RIMS2: variants seen among roughly 807,000 people sequenced by gnomAD.
The protein encoded by RIMS2 is regulating synaptic membrane exocytosis protein 2.
Under a neutral mutation model 174.4 loss-of-function variants are expected in RIMS2, and 59 were observed. That is an observed-to-expected ratio of 0.34 (90% CI 0.27 to 0.42). The LOEUF is 0.42. Ranked by LOEUF, RIMS2 falls within the 10% of genes least tolerant of loss-of-function variation. RIMS2 has a pLI of 1.00. For missense variants in RIMS2, 1,620 were observed against 1,666.3 expected, an observed-to-expected ratio of 0.97 and a Z score of 0.48; for synonymous variants, 606 against 572.5, an observed-to-expected ratio of 1.06 and a Z score of -0.84.
intron 19 of RIMS2, among the ~76,000 whole-genome samples, chr8:104,131,433 A>G (rs1040948224): frequency 1.3e-5 from 2 of 152,160 alleles, no homozygotes; most frequent in Non-Finnish European, 2.9e-5. Flanking sequence ...GTCTGAGGAG[A>G]AAATATATAT....
At chr8:104,127,038 T>G (rs1400576701) in intron 19 of RIMS2, among the ~76,000 whole-genome samples, 1 of 152,140 alleles carries the variant, frequency 6.6e-6, no homozygotes, top group East Asian at 1.9e-4. Flanking sequence ...TTTATAATTA[T>G]TATCCTTTTA....
intron 3 of RIMS2, among the ~76,000 whole-genome samples, chr8:103,812,573 G>A (rs1346070452): frequency 1.3e-5 from 2 of 152,046 alleles, no homozygotes; most frequent in Non-Finnish European, 2.9e-5. Flanking sequence ...GTAGAGGCGA[G>A]GTTTCATCAT....
chr8:104,214,575 G>A (rs1173132845), intron 19 of RIMS2, among the ~76,000 whole-genome samples: 1 of 152,058 alleles, frequency 6.6e-6, no homozygotes, highest in Non-Finnish European at 1.5e-5. Context: ...AGCCTCCCGA[G>A]TAGCTGAGAT....
At chr8:103,950,899 G>A (rs760015184) in intron 14 of RIMS2, among the ~76,000 whole-genome samples, 1 of 152,134 alleles carries the variant, frequency 6.6e-6, no homozygotes, top group African/African-American at 2.4e-5. Context: ...ACTATTATAA[G>A]AAGTGAATCT....
intron 19 of RIMS2, among the ~76,000 whole-genome samples, chr8:104,134,960 A>G (rs908569139): frequency 5.3e-5 from 8 of 152,126 alleles, no homozygotes; most frequent in Non-Finnish European, 1.0e-4. Context: ...CTCAAAATAG[A>G]TCCTGTTCAG....
chr8:104,245,620 T>A (rs1186059115), intron 20 of RIMS2, among the ~76,000 whole-genome samples: 3 of 152,356 alleles, frequency 2.0e-5, no homozygotes, highest in African/African-American at 7.2e-5. Context: ...AAAGCATTTT[T>A]AGCTTGTGTA....
intron 4 of RIMS2, among the ~76,000 whole-genome samples, 165 bp downstream of exon 7, chr8:103,886,388 T>C (rs546738346): frequency 2.3e-4 from 35 of 151,952 alleles, no homozygotes; most frequent in Non-Finnish European, 4.4e-4. Context: ...ATAAAAAGTA[T>C]CTTCTGTTGT....
Position 104,239,509 on chromosome 8 carries a change from T to TAC in RIMS2, c.3335-5389_3335-5388dup, listed in dbSNP as rs143944632. Among the ~76,000 whole-genome samples, 965 of 150,446 alleles carry TAC rather than the reference T, an allele frequency of 6.4e-3. 2 individuals carry two copies. The highest frequency in any genetic ancestry group is 0.013 in the African/African-American group (536 of 41,150). ...ACCTGAGTATTTTTTGATGTCTCAA[T>TAC]ACACACACACACACACACATTATAC... On this transcript the variant is annotated intron_variant, in intron 19 of 23. Coordinates refer to ENST00000504942, the Ensembl canonical transcript of RIMS2.
intron 14 of RIMS2, among the ~76,000 whole-genome samples, chr8:103,959,451 C>T (rs932271919): frequency 1.3e-5 from 2 of 150,938 alleles, no homozygotes; most frequent in African/African-American, 2.4e-5. Flanking sequence ...GAGATGGAAT[C>T]GCACTCTGTC....
At chr8:103,737,717 AC>A (rs951474568) in intron 2 of RIMS2, among the ~76,000 whole-genome samples, 1 of 152,138 alleles carries the variant, frequency 6.6e-6, no homozygotes, top group Non-Finnish European at 1.5e-5. Flanking sequence ...TCCTGAAGCA[AC>A]CAAGCCCTTT....
At chr8:104,073,186 T>C (rs976257194) in intron 19 of RIMS2, among the ~76,000 whole-genome samples, 8 of 152,192 alleles carry the variant, frequency 5.3e-5, no homozygotes, top group Admixed American at 1.3e-4. Context: ...TAATGATAAA[T>C]TGGCATAATT....
intron 19 of RIMS2, among the ~76,000 whole-genome samples, chr8:104,021,413 C>G (rs1468998831): frequency 2.0e-5 from 3 of 152,018 alleles, no homozygotes; most frequent in Admixed American, 6.6e-5. Context: ...TTCACGAGCT[C>G]CATGATTTTT....
chr8:103,548,503 T>C (rs1587415119), intron 1 of RIMS2, among the ~76,000 whole-genome samples: 2 of 151,062 alleles, frequency 1.3e-5, no homozygotes, highest in East Asian at 1.9e-4. Flanking sequence ...AAACTAGGCA[T>C]TGAAGGAACA....
intron 3 of RIMS2, among the ~76,000 whole-genome samples, chr8:103,829,956 G>A (rs562245009): frequency 2.0e-5 from 3 of 152,202 alleles, no homozygotes; most frequent in African/African-American, 4.8e-5. Context: ...GAGGTTTTAT[G>A]TTCAATCTTT....
At chr8:103,831,820 A>T (rs921887950) in intron 3 of RIMS2, among the ~76,000 whole-genome samples, 8 of 152,238 alleles carry the variant, frequency 5.3e-5, no homozygotes, top group African/African-American at 1.9e-4. Context: ...ACCCAACTAA[A>T]AATGGCTTAA....
chr8:103,705,103 C>G (rs2097209486), intron 2 of RIMS2, among the ~76,000 whole-genome samples: 1 of 151,824 alleles, frequency 6.6e-6, no homozygotes, highest in Non-Finnish European at 1.5e-5. Flanking sequence ...GTAAACTTCC[C>G]TCTGCTTTAC....
At chr8:103,821,780 A>C (rs1440308460) in intron 3 of RIMS2, among the ~76,000 whole-genome samples, 6 of 151,784 alleles carry the variant, frequency 4.0e-5, no homozygotes, top group African/African-American at 1.4e-4. Flanking sequence ...AGTGGAAAGT[A>C]AAGACTTTCC....
chr8:104,036,791 C>CG (rs2096527463), intron 19 of RIMS2, among the ~76,000 whole-genome samples: 1 of 151,856 alleles, frequency 6.6e-6, no homozygotes, highest in African/African-American at 2.4e-5. Flanking sequence ...GCAGGAGAAT[C>CG]GCTTGAACCC....
intron 19 of RIMS2, among the ~76,000 whole-genome samples, chr8:104,073,979 A>G (rs2097243206): frequency 6.6e-6 from 1 of 152,238 alleles, no homozygotes; most frequent in African/African-American, 2.4e-5. Context: ...TCAGATAGTT[A>G]AAGTATGTTT....
Sources: allele counts gnomAD v4.1 joint callset (sites outside exome capture counted in the v4.1 genomes callset), GRCh38; gene constraint gnomAD v4.1.1; transcripts MANE v1.5; gene names NCBI Gene and HGNC (gene_info 2026-07-23, HGNC 2026-07-21).